QKI: variants seen among roughly 807,000 people sequenced by gnomAD.
The protein encoded by QKI is KH domain-containing RNA-binding protein QKI.
In QKI, 10 loss-of-function variants were observed where a neutral mutation model predicts 39.0. The observed-to-expected ratio is 0.26, with a 90% CI of 0.16 to 0.43. QKI has a LOEUF of 0.43. Ranked by LOEUF, QKI falls within the 20% of genes least tolerant of loss-of-function variation. The pLI, the probability that QKI is intolerant of heterozygous loss-of-function variation, is 1.00. For missense variants in QKI, 218 were observed against 428.0 expected, an observed-to-expected ratio of 0.51 and a Z score of 4.33; for synonymous variants, 204 against 155.4, an observed-to-expected ratio of 1.31 and a Z score of -2.33.
intron 1 of QKI, among the ~76,000 whole-genome samples, chr6:163,442,998 TAATA>T (rs1341391099): frequency 6.6e-6 from 1 of 152,172 alleles, no homozygotes; most frequent in Non-Finnish European, 1.5e-5. Context: ...AGTAAAAAAG[TAATA>T]AATGTAGATT....
At chr6:163,430,313 T>C (rs755532342) in intron 1 of QKI, among the ~76,000 whole-genome samples, 1 of 152,178 alleles carries the variant, frequency 6.6e-6, no homozygotes, top group South Asian at 2.1e-4. Context: ...TGTCCTTCTC[T>C]TCCCTTCATT....
At chr6:163,446,359 T>G (rs1037328872) in intron 1 of QKI, among the ~76,000 whole-genome samples, 25 of 152,210 alleles carry the variant, frequency 1.6e-4, no homozygotes, top group Non-Finnish European at 3.7e-4. Flanking sequence ...CCGTTTCCAT[T>G]GCTAAGAGTT....
intron 1 of QKI, among the ~76,000 whole-genome samples, chr6:163,449,851 C>G (rs1271338652): frequency 6.6e-6 from 1 of 152,070 alleles, no homozygotes; most frequent in African/African-American, 2.4e-5. Context: ...CTGCTCAATG[C>G]TGTAATTTAG....
intron 1 of QKI, among the ~76,000 whole-genome samples, chr6:163,425,236 G>A (rs1788320433): frequency 6.6e-6 from 1 of 152,190 alleles, no homozygotes; most frequent in Non-Finnish European, 1.5e-5. Context: ...GGAAGGTGCA[G>A]CATTGCCAGC....
chr6:163,486,365 A>G (rs541847808), intron 3 of QKI, among the ~76,000 whole-genome samples: 2 of 152,214 alleles, frequency 1.3e-5, no homozygotes, highest in East Asian at 1.9e-4. Flanking sequence ...AGATGTCCCT[A>G]TAACTCCTTG....
chr6:163,485,863 G>T (rs1483132912), intron 3 of QKI, among the ~76,000 whole-genome samples: 1 of 152,126 alleles, frequency 6.6e-6, no homozygotes, highest in Non-Finnish European at 1.5e-5. Context: ...GGCTTCCCTG[G>T]ACCACATTGG....
chr6:163,417,366 CGAATTCAAAGACTATAGGA>C (rs1376643413), intron 1 of QKI, among the ~76,000 whole-genome samples: 1 of 151,916 alleles, frequency 6.6e-6, no homozygotes, highest in Admixed American at 6.6e-5. Context: ...CCTGAAATGT[CGAATTCAAAGACTATAGGA>C]GATTCCAAAA....
chr6:163,478,992 C>A, intron 3 of QKI, 96 bp downstream of exon 3: 1 of 1,072,118 alleles, frequency 9.3e-7, no homozygotes, highest in Non-Finnish European at 1.4e-6. Context: ...GTGCTTAAAA[C>A]ACTATATTCC....
chr6:163,426,129 A>G (rs139940186), intron 1 of QKI, among the ~76,000 whole-genome samples: 2 of 152,052 alleles, frequency 1.3e-5, no homozygotes, highest in Non-Finnish European at 2.9e-5. Context: ...CCATATTCAG[A>G]TTTCTGTAGT....
intron 4 of QKI, among the ~76,000 whole-genome samples, chr6:163,558,556 C>T (rs1228607764): frequency 2.0e-5 from 3 of 152,132 alleles, no homozygotes; most frequent in Non-Finnish European, 2.9e-5. Context: ...CCTGCCACCA[C>T]GCCCAGCTAA....
intron 1 of QKI, chr6:163,416,213 C>A: frequency 3.1e-6 from 1 of 325,120 alleles, no homozygotes; most frequent in Non-Finnish European, 6.1e-6. Flanking sequence ...TAAAATTGAG[C>A]CAAAGTTTCC....
At chr6:163,486,921 G>A (rs1364686361) in intron 3 of QKI, among the ~76,000 whole-genome samples, 3 of 152,258 alleles carry the variant, frequency 2.0e-5, no homozygotes, top group South Asian at 2.1e-4. Flanking sequence ...ACATTTCAAG[G>A]CAGCATTCAT....
chr6:163,426,038 C>A (rs1788377905), intron 1 of QKI, among the ~76,000 whole-genome samples: 1 of 152,104 alleles, frequency 6.6e-6, no homozygotes, highest in Non-Finnish European at 1.5e-5. Flanking sequence ...ATTTGTGTAT[C>A]TTTAAAAGTT....
At chr6:163,523,715 A>T (rs1780299677) in intron 3 of QKI, among the ~76,000 whole-genome samples, 1 of 152,212 alleles carries the variant, frequency 6.6e-6, no homozygotes, top group Non-Finnish European at 1.5e-5. Context: ...TTAAAAACTG[A>T]TGAAAATATC....
intron 3 of QKI, among the ~76,000 whole-genome samples, chr6:163,532,141 T>C (rs1280356696): frequency 6.6e-6 from 1 of 152,238 alleles, no homozygotes; most frequent in East Asian, 1.9e-4. Context: ...TTAAATTCTC[T>C]GGCTTTTCTC....
intron 1 of QKI, among the ~76,000 whole-genome samples, chr6:163,425,427 G>A (rs983977828): frequency 6.6e-6 from 1 of 152,202 alleles, no homozygotes; most frequent in East Asian, 1.9e-4. Flanking sequence ...GAAGGTTGTA[G>A]GGAATCTTTA....
At chr6:163,493,421 G>T (rs1400393874) in intron 3 of QKI, among the ~76,000 whole-genome samples, 1 of 152,128 alleles carries the variant, frequency 6.6e-6, no homozygotes, top group Non-Finnish European at 1.5e-5. Flanking sequence ...GAGCCACCGT[G>T]CCCAGCCTAC....
intron 4 of QKI, 111 bp downstream of exon 4, chr6:163,535,236 T>C: frequency 8.6e-7 from 1 of 1,165,848 alleles, no homozygotes; most frequent in Non-Finnish European, 1.2e-6. Flanking sequence ...AGAAATTTTA[T>C]TTAAGCATAA....
At chr6:163,540,377 G>C (rs1411873405) in intron 4 of QKI, among the ~76,000 whole-genome samples, 1 of 152,076 alleles carries the variant, frequency 6.6e-6, no homozygotes, top group African/African-American at 2.4e-5. Flanking sequence ...TTCTCTTTGT[G>C]ATGCAGTTCT....
Sources: gnomAD v4.1 joint callset for allele counts (sites outside exome capture counted in the v4.1 genomes callset) on GRCh38, gnomAD v4.1.1 for gene constraint, MANE v1.5 for transcripts, NCBI Gene and HGNC (gene_info 2026-07-23, HGNC 2026-07-21) for gene names.